Variants in CCDC7 observed in about 807,000 individuals in gnomAD.
CCDC7 encodes coiled-coil domain containing 7.
Under a neutral mutation model 196.9 loss-of-function variants are expected in CCDC7, and 183 were observed. That is an observed-to-expected ratio of 0.93 (90% CI 0.82 to 1.05). The LOEUF is 1.05. CCDC7 is among the 50% of genes least tolerant of loss of function. The pLI is 0.00. For synonymous variants in CCDC7, 525 were observed against 484.6 expected, an observed-to-expected ratio of 1.08 and a Z score of -1.10; for missense variants, 1,540 against 1,482.2, an observed-to-expected ratio of 1.04 and a Z score of -0.64.
At position 32,853,071 on chromosome 10, in the gene CCDC7, G is replaced by A. The variant is rs191323113; in HGVS notation, c.4021+1139G>A. Among the ~76,000 whole-genome samples, 41 of 152,198 alleles carry A rather than the reference G, an allele frequency of 2.7e-4. No homozygotes were observed. The East Asian group carries it at 7.7e-3, about 29-fold the overall frequency. On this transcript the variant is annotated intron_variant, in intron 40 of 41. Transcript: ENST00000639629. ...ATTGTTCATTATATTTTAGATAAATGTAATTGATTTGGGGTTCACTTGTTA... is the reference window on the plus strand; with the variant it reads ...ATTGTTCATTATATTTTAGATAAATATAATTGATTTGGGGTTCACTTGTTA...
chr10:32,695,474 G>A (rs868247801), intron 24 of CCDC7, among the ~76,000 whole-genome samples: 6 of 152,336 alleles, frequency 3.9e-5, no homozygotes, highest in Non-Finnish European at 8.8e-5. Flanking sequence ...CTTCACCTAA[G>A]GGTAGAGGTC....
intron 29 of CCDC7, among the ~76,000 whole-genome samples, chr10:32,780,326 A>T (rs1283309587): frequency 6.6e-6 from 1 of 152,346 alleles, no homozygotes; most frequent in East Asian, 1.9e-4. Context: ...ATCTCTGGCA[A>T]AGATAAGTCC....
chr10:32,774,863 G>A (rs1319031853), intron 28 of CCDC7, among the ~76,000 whole-genome samples: 9 of 152,108 alleles, frequency 5.9e-5, no homozygotes, highest in Non-Finnish European at 1.3e-4. Context: ...GATTGATGGA[G>A]GATGAGATTT....
At chr10:32,869,603 C>A (rs961618028) in intron 41 of CCDC7, among the ~76,000 whole-genome samples, 2 of 151,966 alleles carry the variant, frequency 1.3e-5, no homozygotes, top group African/African-American at 4.8e-5. Flanking sequence ...CTTTTGTTGC[C>A]ATTGCTTTTG....
intron 28 of CCDC7, among the ~76,000 whole-genome samples, chr10:32,738,435 A>T (rs1483009155): frequency 6.7e-6 from 1 of 149,952 alleles, no homozygotes; most frequent in African/African-American, 2.5e-5. Flanking sequence ...TATCTGTTAG[A>T]TCAATTAAGA....
chr10:32,500,830 C>T (rs566451017), intron 9 of CCDC7, among the ~76,000 whole-genome samples: 58 of 152,310 alleles, frequency 3.8e-4, no homozygotes, highest in East Asian at 2.3e-3. Flanking sequence ...AGATCACTCG[C>T]GGTCAGGAGC....
At chr10:32,788,929 T>C (rs2082264724) in intron 29 of CCDC7, among the ~76,000 whole-genome samples, 1 of 152,136 alleles carries the variant, frequency 6.6e-6, no homozygotes, top group African/African-American at 2.4e-5. Context: ...AGCCAGCCAA[T>C]GTGGACCCAG....
chr10:32,877,117 AAAAT>A (rs746483913), downstream of CCDC7: 5 of 152,120 alleles, frequency 3.3e-5, no homozygotes, highest in African/African-American at 4.8e-5. Context: ...CTACTCAAAC[AAAAT>A]AAAGTGAAAT....
intron 3 of CCDC7, among the ~76,000 whole-genome samples, chr10:32,457,020 AAT>A (rs3030621): frequency 8.0e-5 from 12 of 149,812 alleles, no homozygotes; most frequent in East Asian, 2.0e-4. Flanking sequence ...AAATATATAA[AAT>A]ATATATATAT....
intron 3 of CCDC7, among the ~76,000 whole-genome samples, chr10:32,460,412 G>T (rs2035374598): frequency 1.3e-5 from 2 of 152,124 alleles, no homozygotes; most frequent in Admixed American, 6.5e-5. Flanking sequence ...GATGCTGTGG[G>T]TTTCCTCAGT....
chr10:32,686,819 TG>T (rs1478880082), intron 22 of CCDC7, among the ~76,000 whole-genome samples: 1 of 152,208 alleles, frequency 6.6e-6, no homozygotes, highest in African/African-American at 2.4e-5. Flanking sequence ...TTGCTGCATG[TG>T]GGCCAATACA....
At chr10:32,801,181 A>G (rs1454688129) in intron 29 of CCDC7, among the ~76,000 whole-genome samples, 1 of 152,220 alleles carries the variant, frequency 6.6e-6, no homozygotes, top group Non-Finnish European at 1.5e-5. Context: ...TGCTGCCCAC[A>G]CAAATCTATT....
intron 18 of CCDC7, among the ~76,000 whole-genome samples, chr10:32,584,883 A>T (rs1590179705): frequency 6.6e-6 from 1 of 151,762 alleles, no homozygotes; most frequent in Admixed American, 6.6e-5. Flanking sequence ...ATGTGGCATT[A>T]TGAATTCTTA....
chr10:32,865,168 GA>G (rs1334468246), intron 41 of CCDC7, among the ~76,000 whole-genome samples: 3 of 151,740 alleles, frequency 2.0e-5, no homozygotes, highest in African/African-American at 7.3e-5. Context: ...TATGAATGGA[GA>G]AAAAGTGTTT....
chr10:32,586,475 C>T (rs762646418), intron 18 of CCDC7, among the ~76,000 whole-genome samples: 4 of 152,078 alleles, frequency 2.6e-5, no homozygotes, highest in African/African-American at 4.8e-5. Flanking sequence ...GTGATATTGC[C>T]TAGGTTTTCT....
At chr10:32,606,700 A>T (rs543456355) in intron 18 of CCDC7, among the ~76,000 whole-genome samples, 1 of 152,202 alleles carries the variant, frequency 6.6e-6, no homozygotes, top group African/African-American at 2.4e-5. Flanking sequence ...CTTTAGGCCA[A>T]CTTCTCCCTT....
At chr10:32,596,212 G>T (rs1035499002) in intron 18 of CCDC7, among the ~76,000 whole-genome samples, 1 of 152,138 alleles carries the variant, frequency 6.6e-6, no homozygotes, top group Admixed American at 6.5e-5. Flanking sequence ...ATGAATCTGG[G>T]TGCTCCTGTA....
intron 18 of CCDC7, among the ~76,000 whole-genome samples, chr10:32,624,701 C>T (rs899131841): frequency 3.3e-5 from 5 of 152,044 alleles, no homozygotes; most frequent in Admixed American, 1.3e-4. Flanking sequence ...TTCCCAACTA[C>T]GTGGAATGAA....
intron 18 of CCDC7, 42 bp downstream of exon 19, chr10:32,584,346 G>T: frequency 8.0e-7 from 1 of 1,251,626 alleles, no homozygotes; most frequent in South Asian, 1.4e-5. Context: ...GTGATTGAAT[G>T]ATTATGTGTT....
Sources: gnomAD v4.1 joint callset for allele counts (sites outside exome capture counted in the v4.1 genomes callset) on GRCh38, gnomAD v4.1.1 for gene constraint, MANE v1.5 for transcripts, NCBI Gene and HGNC (gene_info 2026-07-23, HGNC 2026-07-21) for gene names.